Variants in TMC1 observed in about 807,000 individuals in gnomAD.
TMC1 encodes the protein transmembrane channel like 1, also known as transmembrane channel-like protein 1.
Under a neutral mutation model 105.8 loss-of-function variants are expected in TMC1, and 84 were observed. The observed-to-expected ratio is 0.79, with a 90% CI of 0.67 to 0.95. The LOEUF is 0.95. TMC1 is among the 40% of genes least tolerant of loss of function. The pLI is 0.00. For missense variants in TMC1, 817 were observed against 914.1 expected (o/e 0.89, Z 1.37); for synonymous variants, 315 against 311.5 (o/e 1.01, Z -0.12).
intron 1 of TMC1, among the ~76,000 whole-genome samples, chr9:72,572,099 G>A (rs1021530813): frequency 6.6e-6 from 1 of 151,920 alleles, no homozygotes; most frequent in Non-Finnish European, 1.5e-5. Flanking sequence ...GCCTCCCAAA[G>A]TGCTGGGATT....
intron 1 of TMC1, among the ~76,000 whole-genome samples, chr9:72,546,651 A>T (rs1823773814): frequency 6.6e-6 from 1 of 152,236 alleles, no homozygotes; most frequent in Non-Finnish European, 1.5e-5. Flanking sequence ...AAACCTGCAC[A>T]CAAAATTTTA....
At chr9:72,577,226 T>C (rs1824397638) in intron 1 of TMC1, among the ~76,000 whole-genome samples, 1 of 152,236 alleles carries the variant, frequency 6.6e-6, no homozygotes, top group African/African-American at 2.4e-5. Flanking sequence ...GTTCCTCCTC[T>C]TGGGCTGCTC....
chr9:72,830,832 A>T (rs1476861076), intron 23 of TMC1, 150 bp downstream of exon 23: 6 of 692,932 alleles, frequency 8.7e-6, no homozygotes, highest in Non-Finnish European at 2.4e-6. Flanking sequence ...CCACCTTTTT[A>T]GCCCTTCTCA....
chr9:72,601,575 G>A lies in TMC1; in HGVS notation c.-305-14793G>A, dbSNP rs563355320. 6.6e-5 allele frequency among the ~76,000 whole-genome samples: 10 copies of A among 152,280 alleles called. 1 individual carries two copies. The South Asian group carries it at 2.1e-3, about 32-fold the overall frequency. On this transcript the variant is annotated intron_variant, in intron 2 of 23. Coordinates refer to ENST00000297784, the MANE Select transcript of TMC1 (RefSeq NM_138691.3). The stretch of plus-strand genomic sequence containing the variant: ...CCAGAGAATCGCTTGAACCCAAGAG[G>A]TGGAGGTTGTAGTGAGCTGAGATCG...
chr9:72,783,482 C>A (rs1828124423), intron 13 of TMC1, among the ~76,000 whole-genome samples: 1 of 152,098 alleles, frequency 6.6e-6, no homozygotes, highest in South Asian at 2.1e-4. Context: ...CAGCTTACCC[C>A]ACTTTCTTCC....
At chr9:72,680,476 CA>C (rs1404816938) in intron 5 of TMC1, among the ~76,000 whole-genome samples, 1 of 151,436 alleles carries the variant, frequency 6.6e-6, no homozygotes, top group African/African-American at 2.4e-5. Context: ...AGCTAAAAAG[CA>C]GAAAAAAAAT....
intron 1 of TMC1, among the ~76,000 whole-genome samples, chr9:72,548,505 G>A (rs1160955803): frequency 2.6e-5 from 4 of 151,378 alleles, no homozygotes; most frequent in Admixed American, 6.6e-5. Flanking sequence ...ATGAACCCGG[G>A]AGGTTCATTC....
At chr9:72,715,233 C>T (rs560828071) in intron 8 of TMC1, among the ~76,000 whole-genome samples, 2 of 152,190 alleles carry the variant, frequency 1.3e-5, no homozygotes, top group Non-Finnish European at 2.9e-5. Flanking sequence ...CTGATGATTA[C>T]ATGTATTGGG....
chr9:72,660,658 A>G (rs922609570), intron 5 of TMC1, among the ~76,000 whole-genome samples: 2 of 152,184 alleles, frequency 1.3e-5, no homozygotes, highest in African/African-American at 4.8e-5. Context: ...TCATATCTTT[A>G]TGGCAATATG....
chr9:72,803,631 ACACT>A (rs1195600665), intron 17 of TMC1, among the ~76,000 whole-genome samples: 1 of 152,224 alleles, frequency 6.6e-6, no homozygotes, highest in Non-Finnish European at 1.5e-5. Flanking sequence ...ATATGAAAAA[ACACT>A]CAACATCACT....
intron 20 of TMC1, among the ~76,000 whole-genome samples, chr9:72,823,581 T>C (rs1475841438): frequency 6.6e-6 from 1 of 152,202 alleles, no homozygotes; most frequent in Non-Finnish European, 1.5e-5. Context: ...TTATAAGACC[T>C]GGCTAGAGAG....
intron 12 of TMC1, among the ~76,000 whole-genome samples, chr9:72,766,115 T>C (rs1363640716): frequency 6.6e-6 from 1 of 152,146 alleles, no homozygotes; most frequent in Non-Finnish European, 1.5e-5. Flanking sequence ...AGATTATGTG[T>C]GTAAAGTATT....
intron 8 of TMC1, among the ~76,000 whole-genome samples, chr9:72,738,352 G>A (rs1259077314): frequency 6.6e-6 from 1 of 151,964 alleles, no homozygotes; most frequent in African/African-American, 2.4e-5. Context: ...ACTGTGTATT[G>A]CAAAATTCTG....
intron 1 of TMC1, among the ~76,000 whole-genome samples, chr9:72,541,737 T>C (rs1339388826): frequency 2.0e-5 from 3 of 151,494 alleles, no homozygotes; most frequent in Non-Finnish European, 4.4e-5. Flanking sequence ...CTTGGGGGTA[T>C]TGGCTTTAGA....
chr9:72,798,637 A>C (rs1334088240), intron 17 of TMC1, among the ~76,000 whole-genome samples: 1 of 152,130 alleles, frequency 6.6e-6, no homozygotes, highest in Non-Finnish European at 1.5e-5. Context: ...AAATTATGAT[A>C]ACTCATGAAC....
intron 2 of TMC1, among the ~76,000 whole-genome samples, chr9:72,594,061 T>C (rs911927326): frequency 1.3e-5 from 2 of 152,248 alleles, no homozygotes; most frequent in Non-Finnish European, 2.9e-5. Context: ...GGGAGAAAGA[T>C]AAATTCTTCC....
chr9:72,543,338 C>G (rs1823708806), intron 1 of TMC1, among the ~76,000 whole-genome samples: 1 of 152,206 alleles, frequency 6.6e-6, no homozygotes, highest in Non-Finnish European at 1.5e-5. Context: ...GGTCTATGTA[C>G]TTCTTCCCAT....
chr9:72,662,350 C>A (rs1825980729), intron 5 of TMC1, among the ~76,000 whole-genome samples: 1 of 147,224 alleles, frequency 6.8e-6, no homozygotes, highest in African/African-American at 2.6e-5. Flanking sequence ...CCACACTCAG[C>A]AATTTTTTTT....
At chr9:72,622,033 G>T (rs1825259895) in intron 3 of TMC1, among the ~76,000 whole-genome samples, 1 of 152,164 alleles carries the variant, frequency 6.6e-6, no homozygotes, top group African/African-American at 2.4e-5. Flanking sequence ...TTGTGTGAAT[G>T]GAGCTGGACC....
Sources: gnomAD v4.1 joint callset for allele counts (sites outside exome capture counted in the v4.1 genomes callset) on GRCh38, gnomAD v4.1.1 for gene constraint, MANE v1.5 for transcripts, NCBI Gene and HGNC (gene_info 2026-07-23, HGNC 2026-07-21) for gene names.